The following GATA4 variants were observed in gnomAD, a reference collection of about 807,000 sequenced individuals.
GATA4 encodes transcription factor GATA-4.
GATA4 carries 7 observed loss-of-function variants against 37.9 expected under a neutral mutation model. The ratio of observed to expected loss-of-function variants is 0.18; its 90% CI spans 0.11 to 0.35. The LOEUF is 0.35. Ranked by LOEUF, GATA4 falls within the 10% of genes least tolerant of loss-of-function variation. The pLI, the probability that GATA4 is intolerant of heterozygous loss-of-function variation, is 1.00. For synonymous variants in GATA4, 372 were observed against 292.6 expected, an observed-to-expected ratio of 1.27 and a Z score of -2.77; for missense variants, 647 against 653.0, an observed-to-expected ratio of 0.99 and a Z score of 0.10.
chr8:11,690,326 T>G (rs372205766), upstream of GATA4, among the ~76,000 whole-genome samples: 13 of 152,348 alleles, frequency 8.5e-5, no homozygotes, highest in South Asian at 2.7e-3. Flanking sequence ...ACTCCACTTT[T>G]TAAAATTCAA....
chr8:11,755,199 T>G (rs113716977), intron 5 of GATA4, 66 bp downstream of exon 5: 2 of 1,355,426 alleles, frequency 1.5e-6, no homozygotes, highest in East Asian at 4.6e-5. Context: ...CTAAGAATCA[T>G]ATCTTCCGGG....
At chr8:11,714,494 T>A (rs1800350483) in intron 2 of GATA4, among the ~76,000 whole-genome samples, 1 of 152,208 alleles carries the variant, frequency 6.6e-6, no homozygotes, top group African/African-American at 2.4e-5. Flanking sequence ...GGAGAATGAT[T>A]TGTCGATCTT....
chr8:11,745,700 G>C (rs1170806592), intron 2 of GATA4, among the ~76,000 whole-genome samples: 3 of 152,144 alleles, frequency 2.0e-5, no homozygotes, highest in African/African-American at 4.8e-5. Context: ...CCGAACAAGA[G>C]GAACACATTA....
intron 4 of GATA4, among the ~76,000 whole-genome samples, chr8:11,752,728 G>A (rs527385758): frequency 1.3e-5 from 2 of 152,278 alleles, no homozygotes; most frequent in East Asian, 1.9e-4. Flanking sequence ...TAGGATTGAC[G>A]GTAGTAGAGT....
At chr8:11,750,007 CCCTGCCTCCCGTTAG>C in intron 3 of GATA4, 89 bp from the exon 4 acceptor site, 1 of 1,548,464 alleles carries the variant, frequency 6.5e-7, no homozygotes, top group Non-Finnish European at 8.8e-7. Context: ...TAGGGCCCAG[CCCTGCCTCCCGTTAG>C]GGAGGCCCAG....
At chr8:11,726,148 C>G (rs1800912891) in intron 2 of GATA4, among the ~76,000 whole-genome samples, 1 of 152,230 alleles carries the variant, frequency 6.6e-6, no homozygotes, top group Admixed American at 6.5e-5. Context: ...GGAATCCATC[C>G]TGAAGCATTT....
intron 2 of GATA4, 149 bp from the exon 3 acceptor site, chr8:11,748,767 T>G (rs991699173): frequency 3.5e-6 from 3 of 863,208 alleles, no homozygotes; most frequent in Middle Eastern, 3.1e-4. Context: ...GAAGTCAGAG[T>G]GAGGAAGAGC....
rs114345849 is a variant in GATA4 at position 11,758,273 on chromosome 8, G to C, written c.1150-20G>C. The C allele has an allele frequency of 1.2e-6, 2 of 1,613,858 alleles. No homozygotes were observed. The highest frequency in any genetic ancestry group is 1.7e-6 in the Non-Finnish European group (2 of 1,179,936). On this transcript the variant is annotated intron_variant, in intron 6 of 6. Transcript: ENST00000532059. ...CAGGAGCGTCTCCATGGGCCTCATCGTGTGCTTTCTGCTTTTCAGACGTTC... is the reference window on the plus strand; with the variant it reads ...CAGGAGCGTCTCCATGGGCCTCATCCTGTGCTTTCTGCTTTTCAGACGTTC...
chr8:11,683,126 C>T (rs896941816), intron 1 of GATA4: 1 of 985,246 alleles, frequency 1.0e-6, no homozygotes, highest in African/African-American at 1.7e-5. Flanking sequence ...GTGTGGTGGC[C>T]ACTGGGGTTT....
chr8:11,710,932 GAAACCCCATCTCTACTAA>G (rs1800154913), intron 2 of GATA4, among the ~76,000 whole-genome samples: 1 of 152,058 alleles, frequency 6.6e-6, no homozygotes. Flanking sequence ...CCAACATGGT[GAAACCCCATCTCTACTAA>G]AAATACAAAA....
Position 11,708,385 on chromosome 8 carries a change from G to A in GATA4, c.73G>A (p.Ala25Thr). The change falls in exon 2 of 7, where the codon GCC becomes ACC. Residue 25 changes from alanine to threonine, a missense_variant. Physicochemically the swap from Ala to Thr is moderately conservative, Grantham distance 58 (BLOSUM62 0). Coordinates refer to ENST00000532059, the MANE Select transcript of GATA4 (RefSeq NM_001308093.3). The surrounding 1 kb of genome is among the most constrained non-coding windows in gnomAD (Gnocchi z 6.7). ...TGCCTACGAGGCGGGCGGCCCCGGC[G>A]CCTTCATGCACGGCGCGGGCGCCGC... ...PGAYEAGGPG[A>T]FMHGAGAASS... 6.4e-7 allele frequency: 1 copy of A among 1,552,604 alleles called. No homozygotes were observed. Among genetic ancestry groups the A allele is most frequent in the Non-Finnish European group, 8.6e-7 (1 of 1,156,438 alleles).
intron 2 of GATA4, among the ~76,000 whole-genome samples, 181 bp from the exon 3 acceptor site, chr8:11,748,735 C>G (rs1802148526): frequency 6.6e-6 from 1 of 152,142 alleles, no homozygotes; most frequent in Non-Finnish European, 1.5e-5. Context: ...CTCTCAGTGT[C>G]TGGGATTAGG....
chr8:11,725,823 G>A (rs1800894609), intron 2 of GATA4, among the ~76,000 whole-genome samples: 1 of 152,204 alleles, frequency 6.6e-6, no homozygotes, highest in Admixed American at 6.5e-5. Context: ...CATCTTGCAA[G>A]TGCATGAAAG....
chr8:11,744,796 A>T (rs1042636100), intron 2 of GATA4, among the ~76,000 whole-genome samples: 6 of 152,212 alleles, frequency 3.9e-5, no homozygotes, highest in African/African-American at 1.4e-4. Context: ...CATAGCCTTT[A>T]CTTTGGCTGT....
At chr8:11,697,966 G>C (rs1170989081) in intron 1 of GATA4, 1 of 985,366 alleles carries the variant, frequency 1.0e-6, no homozygotes, top group East Asian at 1.1e-4. Flanking sequence ...CGCTCCAGCC[G>C]CGGGTGTCCC....
chr8:11,691,919 A>C, upstream of GATA4: 1 of 729,022 alleles, frequency 1.4e-6, no homozygotes, highest in Non-Finnish European at 1.7e-6. Flanking sequence ...AGGGAAGAAA[A>C]AAAAAAAATC....
intron 2 of GATA4, among the ~76,000 whole-genome samples, chr8:11,726,889 C>G (rs1239529027): frequency 6.6e-6 from 1 of 152,342 alleles, no homozygotes; most frequent in Admixed American, 6.5e-5. Context: ...GACTCACAAT[C>G]TTTCCCTGCC....
At chr8:11,752,577 T>C (rs576624051) in intron 4 of GATA4, among the ~76,000 whole-genome samples, 7 of 152,330 alleles carry the variant, frequency 4.6e-5, no homozygotes, top group African/African-American at 1.7e-4. Context: ...GTGGGAATTA[T>C]GGGAGCTACA....
chr8:11,683,176 G>A, intron 1 of GATA4: 1 of 938,936 alleles, frequency 1.1e-6, no homozygotes, highest in Non-Finnish European at 1.3e-6. Flanking sequence ...TATCTAATCT[G>A]GACAGCAGCA....
Sources: allele counts gnomAD v4.1 joint callset (sites outside exome capture counted in the v4.1 genomes callset), GRCh38; gene constraint gnomAD v4.1.1; non-coding constraint Gnocchi (gnomAD v3.1); transcripts MANE v1.5; gene names NCBI Gene and HGNC (gene_info 2026-07-23, HGNC 2026-07-21).